ACOT7: variants seen among roughly 807,000 people sequenced by gnomAD.
ACOT7 encodes the protein cytosolic acyl coenzyme A thioester hydrolase.
Under a neutral mutation model 40.2 loss-of-function variants are expected in ACOT7, and 12 were observed. The observed-to-expected ratio is 0.30, with a 90% CI of 0.19 to 0.48. The LOEUF (loss-of-function observed/expected upper bound fraction) is 0.48, where lower values mean the gene tolerates loss of function less well. Among genes scored for constraint, ACOT7 ranks in the 20% least tolerant of loss-of-function variants. ACOT7 has a pLI of 0.99. For missense variants in ACOT7, 395 were observed against 530.8 expected (o/e 0.74, Z 2.51); for synonymous variants, 228 against 219.5 (o/e 1.04, Z -0.34).
chr1:6,281,304 C>G lies in ACOT7; in HGVS notation c.830-18G>C. On this transcript the variant is annotated intron_variant, in intron 7 of 8. Transcript: ENST00000361521. Reference sequence around the variant, plus strand: ...GACGCAGCCTGTGGAGAAGGGAGGGCGGGGGTCAGGGCGGCCTCCACCCCA... The same window carrying G: ...GACGCAGCCTGTGGAGAAGGGAGGGGGGGGGTCAGGGCGGCCTCCACCCCA... 1.3e-6 allele frequency: 2 copies of G among 1,590,298 alleles called. No homozygotes were observed. Among genetic ancestry groups the G allele is most frequent in the Non-Finnish European group, 1.7e-6 (2 of 1,173,526 alleles).
intron 8 of ACOT7, among the ~76,000 whole-genome samples, chr1:6,269,190 C>T (rs1484400715): frequency 6.6e-6 from 1 of 152,234 alleles, no homozygotes; most frequent in Non-Finnish European, 1.5e-5. Flanking sequence ...AGGGGAGAGC[C>T]TCCATTTAAA....
chr1:6,337,212 G>T (rs548174491), intron 3 of ACOT7, among the ~76,000 whole-genome samples: 50 of 152,336 alleles, frequency 3.3e-4, no homozygotes, highest in African/African-American at 1.2e-3. Flanking sequence ...GGAGAAGGCC[G>T]AGGGCTGTGG....
rs1428486866 is a variant in ACOT7 at position 6,349,834 on chromosome 1, C to T, written c.176G>A (p.Gly59Asp). ...IMRPDDANVA[G>D]NVHGGTILKM... ...CAGGATGGTCCCCCCGTGGACATTG[C>T]CGGCCACGTTGGCATCATCTGGCCG... Residue 59 changes from glycine to aspartate, a missense_variant, in exon 2 of 9, where the codon GGC becomes GAC. Gly to Asp is a moderately conservative substitution (Grantham distance 94). Around this residue, in one of 2 missense-constraint regions of ACOT7, gnomAD observed 309 missense variants for 470.3 expected, o/e 0.66. Coordinates refer to ENST00000361521, the MANE Select transcript of ACOT7 (RefSeq NM_007274.4). 1 of 1,614,146 alleles carries T rather than the reference C, an allele frequency of 6.2e-7. No homozygotes were observed.
intron 7 of ACOT7, 137 bp from the exon 8 acceptor site, chr1:6,281,423 A>G (rs1055374390): frequency 2.1e-5 from 15 of 708,772 alleles, no homozygotes; most frequent in Admixed American, 1.4e-4. Flanking sequence ...ATGTTCAAAT[A>G]ACAGAATATT....
chr1:6,335,148 T>C (rs998920199), intron 3 of ACOT7, among the ~76,000 whole-genome samples: 2 of 151,842 alleles, frequency 1.3e-5, no homozygotes. Context: ...CTGACCAACA[T>C]GGAGAAACCC....
intron 8 of ACOT7, among the ~76,000 whole-genome samples, chr1:6,265,815 C>T (rs1005734637): frequency 3.3e-5 from 5 of 152,212 alleles, no homozygotes; most frequent in African/African-American, 1.2e-4. Flanking sequence ...GGCAGTTGCC[C>T]TTCATTTCAT....
chr1:6,380,822 TG>T (rs1349283193), intron 1 of ACOT7, among the ~76,000 whole-genome samples: 1 of 151,210 alleles, frequency 6.6e-6, no homozygotes, highest in Non-Finnish European at 1.5e-5. Context: ...TTGGATTTGG[TG>T]ATGATTTCTT....
At chr1:6,265,357 G>A (rs954324554) in intron 8 of ACOT7, among the ~76,000 whole-genome samples, 4 of 152,184 alleles carry the variant, frequency 2.6e-5, no homozygotes, top group Non-Finnish European at 5.9e-5. Flanking sequence ...GGCAGATGCT[G>A]TGCTGCCTAT....
In ACOT7 at chr1:6,299,640, CAGAGAG is replaced by C. The variant is rs57181755; in HGVS notation, c.713-4666_713-4661del. The stretch of plus-strand genomic sequence containing the variant: ...CTGACTAGGTACTAGGTCATGGCTT[CAGAGAG>C]AGAGAGAGAGAGAGCGCAAGTGTGT... On this transcript the variant is annotated intron_variant, in intron 6 of 8. Coordinates refer to ENST00000361521, the MANE Select transcript of ACOT7 (RefSeq NM_007274.4). The surrounding 1 kb of genome is among the most constrained non-coding windows in gnomAD (Gnocchi z 4.1). Among the ~76,000 whole-genome samples, 8 of 148,282 alleles carry C rather than the reference CAGAGAG, an allele frequency of 5.4e-5. No individual in the cohort carries two copies. Among genetic ancestry groups the C allele is most frequent in the East Asian group, 2.0e-4 (1 of 4,924 alleles).
chr1:6,372,590 G>A (rs1024054130), intron 1 of ACOT7, among the ~76,000 whole-genome samples: 10 of 140,202 alleles, frequency 7.1e-5, no homozygotes, highest in African/African-American at 2.2e-4. Context: ...TCGCTCTGTC[G>A]CCCAGGTTGG....
Position 6,301,299 on chromosome 1 carries a change from C to A in ACOT7, c.713-6319G>T, listed in dbSNP as rs1206639651. ...AGGAGTTGTAATCAGCTCCTTCAAA[C>A]CGGGGTTTGCCCCATTTATCCAAAA... is the stretch of plus-strand genomic sequence containing the variant. On this transcript the variant is annotated intron_variant, in intron 6 of 8. Transcript: ENST00000361521. This position sits in a 1 kb window ranked among gnomAD's most constrained non-coding sequence, Gnocchi z 4.1. 6.6e-6 allele frequency among the ~76,000 whole-genome samples: 1 copy of A among 152,246 alleles called. No individual in the cohort carries two copies. The highest frequency in any genetic ancestry group is 6.5e-5 in the Admixed American group (1 of 15,290).
intron 6 of ACOT7, among the ~76,000 whole-genome samples, chr1:6,313,301 G>A (rs777593956): frequency 3.9e-5 from 6 of 152,226 alleles, no homozygotes; most frequent in Non-Finnish European, 7.3e-5. Context: ...GGAATGGGGA[G>A]GGAAGATCAG....
rs774272575 is a variant in ACOT7 at position 6,294,949 on chromosome 1, G to A, written c.744C>T (p.Ala248=). 1.9e-5 allele frequency: 31 copies of A among 1,613,926 alleles called. No individual in the cohort carries two copies. The highest frequency in any genetic ancestry group is 5.5e-5 in the South Asian group (5 of 91,080). The change falls in exon 7 of 9, where the codon GCC becomes GCT. Residue 248 remains alanine, a synonymous_variant. Coordinates refer to ENST00000361521, the MANE Select transcript of ACOT7 (RefSeq NM_007274.4). The surrounding 1 kb of genome is among the most constrained non-coding windows in gnomAD (Gnocchi z 4.6). ...GVTMKLMDEV[A]GIVAARHCKT... is the part of the protein sequence containing the mutation. ...TGCAGTGGCGTGCAGCCACGATCCC[G>A]GCGACCTCATCCATGAGCTTCATGG...
chr1:6,365,683 G>A (rs997778198), intron 1 of ACOT7, among the ~76,000 whole-genome samples: 1 of 151,210 alleles, frequency 6.6e-6, no homozygotes, highest in African/African-American at 2.4e-5. Context: ...CAGAAGAATG[G>A]CGTAAACCCG....
At chr1:6,342,354 G>A (rs1343319363) in intron 2 of ACOT7, among the ~76,000 whole-genome samples, 1 of 152,108 alleles carries the variant, frequency 6.6e-6, no homozygotes, top group African/African-American at 2.4e-5. Flanking sequence ...CTGGGGGTGA[G>A]AATTTCAACA....
At chr1:6,368,651 A>G (rs1013418312) in intron 1 of ACOT7, among the ~76,000 whole-genome samples, 1 of 151,780 alleles carries the variant, frequency 6.6e-6, no homozygotes, top group African/African-American at 2.4e-5. Context: ...TCCTCTGCAC[A>G]CCCCTCCCCA....
intron 7 of ACOT7, among the ~76,000 whole-genome samples, chr1:6,291,589 G>A (rs1639665101): frequency 6.6e-6 from 1 of 152,222 alleles, no homozygotes; most frequent in Non-Finnish European, 1.5e-5. Context: ...TGCAACCCGA[G>A]GTGAGGTTTC....
intron 6 of ACOT7, among the ~76,000 whole-genome samples, chr1:6,312,650 T>C (rs1473539431): frequency 1.3e-5 from 2 of 152,164 alleles, no homozygotes; most frequent in African/African-American, 4.8e-5. Flanking sequence ...GTATTTTTAG[T>C]AGAGACAGGG....
chr1:6,269,856 C>T (rs954028012), intron 8 of ACOT7, among the ~76,000 whole-genome samples: 5 of 152,232 alleles, frequency 3.3e-5, no homozygotes, highest in Admixed American at 2.6e-4. Context: ...AACGTCACTG[C>T]GTGGAGTGCC....
Sources: gnomAD v4.1 joint callset for allele counts (sites outside exome capture counted in the v4.1 genomes callset) on GRCh38, gnomAD v4.1.1 for gene constraint, gnomAD v4.1.1 regional missense constraint, Gnocchi (gnomAD v3.1) non-coding constraint, MANE v1.5 for transcripts, NCBI Gene and HGNC (gene_info 2026-07-23, HGNC 2026-07-21) for gene names.